The following GTF3C5 variants were observed in gnomAD, a reference collection of about 807,000 sequenced individuals.
The protein encoded by GTF3C5 is general transcription factor IIIC subunit 5.
In GTF3C5, 47 loss-of-function variants were observed where a neutral mutation model predicts 61.0. The observed-to-expected ratio is 0.77, with a 90% confidence interval of 0.61 to 0.98. The LOEUF (loss-of-function observed/expected upper bound fraction) is 0.98, where lower values mean the gene tolerates loss of function less well. Ranked by LOEUF, GTF3C5 falls within the 50% of genes least tolerant of loss-of-function variation. GTF3C5 has a pLI of 0.00. For missense variants in GTF3C5, 659 were observed against 703.3 expected, an observed-to-expected ratio of 0.94 and a Z score of 0.71; for synonymous variants, 295 against 275.4, an observed-to-expected ratio of 1.07 and a Z score of -0.71.
intron 1 of GTF3C5, among the ~76,000 whole-genome samples, chr9:133,033,239 G>A (rs12003684): frequency 0.02 from 3,017 of 152,208 alleles, 118 homozygotes; most frequent in African/African-American, 0.069. Context: ...GTATAAACAC[G>A]AGGGTCAAAG....
intron 1 of GTF3C5, among the ~76,000 whole-genome samples, chr9:133,033,744 G>A (rs754986382): frequency 6.6e-6 from 1 of 152,208 alleles, no homozygotes; most frequent in Non-Finnish European, 1.5e-5. Context: ...GGTCTACTGT[G>A]TGCACAAGTG....
rs370745783 is a variant in GTF3C5, at chr9:133,048,357, TGTG to T, written c.573-2418_573-2416del. On this transcript the variant is annotated intron_variant, in intron 3 of 10. Coordinates refer to ENST00000372097, the MANE Select transcript of GTF3C5 (RefSeq NM_012087.4). ...TAAAAATACAAAAAAATTAGCCAGGTGTGGTGGTGGGCGCCTGTAGTCCCAGCT... is the reference window on the plus strand; with the variant it reads ...TAAAAATACAAAAAAATTAGCCAGGTGTGGTGGGCGCCTGTAGTCCCAGCT... Among the ~76,000 whole-genome samples the T allele has an allele frequency of 9.2e-3, 1,396 of 151,924 alleles. 17 individuals are homozygous for T. Among genetic ancestry groups the T allele is most frequent in the African/African-American group, 0.032 (1,315 of 41,416 alleles).
At chr9:133,052,752 G>T (rs1306167031) in intron 5 of GTF3C5, among the ~76,000 whole-genome samples, 1 of 152,256 alleles carries the variant, frequency 6.6e-6, no homozygotes, top group Admixed American at 6.5e-5. Context: ...ACACAAGAAA[G>T]ACTCATTTCT....
At position 133,057,981 on chromosome 9, in the gene GTF3C5, C is replaced by CA; in HGVS notation, c.*2dup. On this transcript the variant is annotated 3_prime_UTR_variant, in exon 11 of 11. Transcript: ENST00000372097. ...GACAGAGATTCTGGACTACGTGTGACAGGGCCCAAGGCTGGGCCTCCCTGA... is the reference window on the plus strand; with the variant it reads ...GACAGAGATTCTGGACTACGTGTGACAAGGGCCCAAGGCTGGGCCTCCCTGA... The CA allele has an allele frequency of 1.2e-6, 2 of 1,613,840 alleles. No individual in the cohort carries two copies. Among genetic ancestry groups the CA allele is most frequent in the Non-Finnish European group, 1.7e-6 (2 of 1,179,980 alleles).
chr9:133,055,157 G>A (rs1163158447), intron 8 of GTF3C5: 1 of 1,543,968 alleles, frequency 6.5e-7, no homozygotes, highest in South Asian at 1.2e-5. Context: ...CACACAGGAG[G>A]ACAGAGCCAG....
chr9:133,044,257 CA>C, intron 3 of GTF3C5: 1 of 305,770 alleles, frequency 3.3e-6, no homozygotes, highest in East Asian at 7.8e-5. Context: ...GGGCTGAGTA[CA>C]GAACAGGGCC....
chr9:133,049,503 A>G (rs1401574231), intron 3 of GTF3C5, among the ~76,000 whole-genome samples: 2 of 152,226 alleles, frequency 1.3e-5, no homozygotes, highest in Admixed American at 1.3e-4. Context: ...TTTAAAAGGT[A>G]ATGATCACCC....
intron 3 of GTF3C5, among the ~76,000 whole-genome samples, chr9:133,046,959 T>A (rs1220001942): frequency 6.6e-6 from 1 of 151,304 alleles, no homozygotes; most frequent in African/African-American, 2.4e-5. Context: ...CAAGAGAGAG[T>A]GTGTTATTCT....
intron 3 of GTF3C5, among the ~76,000 whole-genome samples, chr9:133,045,284 C>T (rs1048210921): frequency 6.6e-6 from 1 of 152,192 alleles, no homozygotes; most frequent in Non-Finnish European, 1.5e-5. Context: ...ACACCCCCAT[C>T]GTACACATGA....
At chr9:133,055,603 C>T (rs2119036775) in intron 8 of GTF3C5, 1 of 985,424 alleles carries the variant, frequency 1.0e-6, no homozygotes. Context: ...CCTGCTTTTC[C>T]CAGAAAAGAT....
rs377580052 is a variant in GTF3C5, at chr9:133,044,120, G to A, written c.572+194G>A. 461 of 392,080 alleles carry A rather than the reference G, an allele frequency of 1.2e-3. 2 individuals are homozygous for A. Among genetic ancestry groups the A allele is most frequent in the South Asian group, 0.011 (186 of 16,834 alleles). The allele number at this position is 392,080 out of a possible 1,614,324, so 24.3% of individuals were successfully genotyped here. A position where few individuals can be genotyped will look rare whatever the true frequency, so the allele number is the denominator to read the frequency against. ...AGATCGCGTCACTGCACTCCAGCCC[G>A]GGTGACAGAGTGAGACTTTGTCTCC... On this transcript the variant is annotated intron_variant, in intron 3 of 10. Coordinates refer to ENST00000372097, the MANE Select transcript of GTF3C5 (RefSeq NM_012087.4).
chr9:133,036,872 A>AT (rs1849878722), intron 1 of GTF3C5, among the ~76,000 whole-genome samples: 1 of 152,142 alleles, frequency 6.6e-6, no homozygotes, highest in South Asian at 2.1e-4. Flanking sequence ...TGTCCTAGGT[A>AT]TTTAACTTCT....
intron 8 of GTF3C5, chr9:133,055,237 A>G: frequency 3.3e-6 from 5 of 1,493,762 alleles, no homozygotes; most frequent in Non-Finnish European, 4.5e-6. Flanking sequence ...GCGGTTGCCC[A>G]GCGGGGGTTG....
chr9:133,038,441 C>A (rs942094999), intron 1 of GTF3C5, among the ~76,000 whole-genome samples: 16 of 151,012 alleles, frequency 1.1e-4, no homozygotes, highest in African/African-American at 3.9e-4. Context: ...TGGGGGAGAC[C>A]CCTAGGAGCT....
intron 1 of GTF3C5, among the ~76,000 whole-genome samples, chr9:133,038,625 T>G (rs1475279214): frequency 1.4e-5 from 2 of 147,596 alleles, no homozygotes; most frequent in East Asian, 2.0e-4. Context: ...TAATTTTTGT[T>G]TTTTTTTTTT....
At chr9:133,052,407 T>G (rs1444773146) in intron 5 of GTF3C5, among the ~76,000 whole-genome samples, 2 of 100,102 alleles carry the variant, frequency 2.0e-5, no homozygotes, top group Non-Finnish European at 3.8e-5. Context: ...CCTTCCCCCC[T>G]GTCCTGGCCC....
chr9:133,054,912 C>A, intron 8 of GTF3C5, 103 bp downstream of exon 8: 1 of 1,543,756 alleles, frequency 6.5e-7, no homozygotes, highest in Non-Finnish European at 8.8e-7. Flanking sequence ...CAGCTCTGCC[C>A]ACCGGGGCCT....
At chr9:133,054,885 G>A (rs778830179) in intron 8 of GTF3C5, 76 bp downstream of exon 8, 3 of 1,537,746 alleles carry the variant, frequency 2.0e-6, no homozygotes, top group South Asian at 2.4e-5. Context: ...GTGACACCTG[G>A]GGGGCTGTGA....
intron 1 of GTF3C5, among the ~76,000 whole-genome samples, chr9:133,041,467 C>T (rs1202479493): frequency 1.3e-5 from 2 of 151,150 alleles, no homozygotes; most frequent in African/African-American, 2.4e-5. Context: ...CTCTCTCTCT[C>T]CCTCTCTGTC....
Sources: gnomAD v4.1 joint callset for allele counts (sites outside exome capture counted in the v4.1 genomes callset) on GRCh38, gnomAD v4.1.1 for gene constraint, MANE v1.5 for transcripts, NCBI Gene and HGNC (gene_info 2026-07-23, HGNC 2026-07-21) for gene names.